The following GLIS3 variants were observed in gnomAD, a reference collection of about 807,000 sequenced individuals.
GLIS3 encodes the protein GLIS family zinc finger 3, also known as zinc finger protein GLIS3.
GLIS3 carries 53 observed loss-of-function variants against 78.6 expected under a neutral mutation model. The ratio of observed to expected loss-of-function variants is 0.67; its 90% CI spans 0.54 to 0.85. The LOEUF is 0.85. Ranked by LOEUF, GLIS3 falls within the 40% of genes least tolerant of loss-of-function variation. GLIS3 has a pLI of 0.00. For missense variants in GLIS3, 1,703 were observed against 1,231.1 expected (o/e 1.38, Z -5.74); for synonymous variants, 684 against 509.9 (o/e 1.34, Z -4.60).
At chr9:4,210,542 A>AT (rs539846767) in intron 2 of GLIS3, among the ~76,000 whole-genome samples, 12 of 150,948 alleles carry the variant, frequency 7.9e-5, no homozygotes, top group Admixed American at 2.0e-4. Flanking sequence ...CTAAGCAGCA[A>AT]TTTTTTTTTT....
chr9:4,328,197 A>T lies in GLIS3; in HGVS notation n.265-17669T>A, dbSNP rs113560502. ...GAATCTGCCCCAAGACCCGAGACTG[A>T]CTAACCCTTTGCAGCTTCAGAGGGC... On this transcript the variant is annotated intron_variant and non_coding_transcript_variant, in intron 2 of 4. Coordinates refer to the GLIS3 transcript ENST00000471664. Among the ~76,000 whole-genome samples, 616 of 152,286 alleles carry T rather than the reference A, an allele frequency of 4.0e-3. 5 individuals are homozygous for T. Among genetic ancestry groups the T allele is most frequent in the African/African-American group, 0.014 (571 of 41,560 alleles).
intron 2 of GLIS3, among the ~76,000 whole-genome samples, chr9:4,129,203 G>C (rs1832783660): frequency 6.6e-6 from 1 of 152,204 alleles, no homozygotes; most frequent in Non-Finnish European, 1.5e-5. Flanking sequence ...GAATTGTGCA[G>C]TGTCTTGGAG....
chr9:4,216,581 C>G (rs1397431482), intron 2 of GLIS3, among the ~76,000 whole-genome samples: 2 of 151,472 alleles, frequency 1.3e-5, no homozygotes, highest in South Asian at 4.2e-4. Flanking sequence ...AGCCAGGGTT[C>G]TGAAGGAAGG....
At chr9:3,985,108 AAC>A (rs1429607904) in intron 4 of GLIS3, among the ~76,000 whole-genome samples, 6 of 151,704 alleles carry the variant, frequency 4.0e-5, no homozygotes, top group African/African-American at 1.2e-4. Flanking sequence ...AAAAAAAAAA[AAC>A]CCATTTTTCC....
chr9:4,164,946 A>C (rs1835765581), intron 2 of GLIS3, among the ~76,000 whole-genome samples: 1 of 152,120 alleles, frequency 6.6e-6, no homozygotes, highest in African/African-American at 2.4e-5. Context: ...GTGAAGAGAG[A>C]TTGATTCTGA....
intron 4 of GLIS3, among the ~76,000 whole-genome samples, chr9:4,009,144 C>T (rs1483143719): frequency 6.6e-6 from 1 of 152,212 alleles, no homozygotes; most frequent in Non-Finnish European, 1.5e-5. Context: ...GTCTTGCTCA[C>T]TTTCTCTCTC....
chr9:4,472,900 T>G, the GLIS3 span, among the ~76,000 whole-genome samples: 5 of 152,166 alleles, frequency 3.3e-5, no homozygotes, highest in Non-Finnish European at 7.4e-5. Context: ...ATCAACTATA[T>G]TTCTAGATAT....
At chr9:4,196,655 C>T (rs980573327) in intron 2 of GLIS3, among the ~76,000 whole-genome samples, 1 of 152,164 alleles carries the variant, frequency 6.6e-6, no homozygotes, top group East Asian at 1.9e-4. Flanking sequence ...ACAAACCAAC[C>T]AAAAGGAAGA....
At chr9:3,909,816 T>G (rs1034279941) in intron 6 of GLIS3, among the ~76,000 whole-genome samples, 1 of 152,228 alleles carries the variant, frequency 6.6e-6, no homozygotes, top group Non-Finnish European at 1.5e-5. Context: ...ACTATCCAGT[T>G]GAAATTTCTG....
At position 4,124,906 on chromosome 9, in the gene GLIS3, A is replaced by C. The variant is rs147263928; in HGVS notation, c.596+828T>G. ...GTGGATTGTGTTTTTCCAAGAAAATAACTTCTAGAAGATAAAATAATTTAT... is the reference window on the plus strand; with the variant it reads ...GTGGATTGTGTTTTTCCAAGAAAATCACTTCTAGAAGATAAAATAATTTAT... On this transcript the variant is annotated intron_variant, in intron 3 of 10. Coordinates refer to ENST00000381971, the MANE Select transcript of GLIS3 (RefSeq NM_001042413.2). Among the ~76,000 whole-genome samples, 651 of 152,328 alleles carry C rather than the reference A, an allele frequency of 4.3e-3. 1 individual carries two copies. The highest frequency in any genetic ancestry group is 7.1e-3 in the Non-Finnish European group (482 of 68,032).
intron 2 of GLIS3, among the ~76,000 whole-genome samples, chr9:4,262,212 G>C (rs1026398293): frequency 6.6e-6 from 1 of 152,146 alleles, no homozygotes. Flanking sequence ...GCTACCTCCT[G>C]GATGGGAGGT....
chr9:4,042,242 T>C (rs1824873979), intron 4 of GLIS3, among the ~76,000 whole-genome samples: 1 of 152,162 alleles, frequency 6.6e-6, no homozygotes, highest in Non-Finnish European at 1.5e-5. Flanking sequence ...GTAATTCCCA[T>C]GGCCAGCCTT....
At chr9:4,420,655 C>G in the GLIS3 span, among the ~76,000 whole-genome samples, 4 of 152,202 alleles carry the variant, frequency 2.6e-5, no homozygotes, top group East Asian at 7.7e-4. Context: ...GTTGAACAGC[C>G]GCTGATCTCT....
At chr9:4,292,282 G>A (rs1409771916) in intron 1 of GLIS3, among the ~76,000 whole-genome samples, 4 of 152,140 alleles carry the variant, frequency 2.6e-5, no homozygotes, top group African/African-American at 4.8e-5. Context: ...AGCTATTGGA[G>A]TGCATCAAAT....
chr9:4,442,976 T>C, the GLIS3 span, among the ~76,000 whole-genome samples: 2,517 of 152,208 alleles, frequency 0.017, 64 homozygotes, highest in African/African-American at 0.057. Context: ...GCAGGCAGCT[T>C]GGTTAAGCTG....
At chr9:4,061,421 C>A (rs1588573380) in intron 4 of GLIS3, among the ~76,000 whole-genome samples, 1 of 152,042 alleles carries the variant, frequency 6.6e-6, no homozygotes, top group South Asian at 2.1e-4. Flanking sequence ...GCATAGTATT[C>A]CATGGTGTAT....
chr9:4,397,178 A>C, the GLIS3 span, among the ~76,000 whole-genome samples: 1 of 140,156 alleles, frequency 7.1e-6, no homozygotes. Context: ...GGTGCCCGCC[A>C]CTACGCCCGG....
chr9:4,483,103 G>C, the GLIS3 span, among the ~76,000 whole-genome samples: 2 of 152,160 alleles, frequency 1.3e-5, no homozygotes, highest in Non-Finnish European at 2.9e-5. Context: ...TTGTGTCCAT[G>C]ACTATTAGAG....
chr9:4,157,800 G>A (rs1291175821), intron 2 of GLIS3, among the ~76,000 whole-genome samples: 1 of 152,134 alleles, frequency 6.6e-6, no homozygotes, highest in Non-Finnish European at 1.5e-5. Context: ...TAAGCACACA[G>A]TCCACATCAC....
Sources: allele counts gnomAD v4.1 joint callset (sites outside exome capture counted in the v4.1 genomes callset), GRCh38; gene constraint gnomAD v4.1.1; transcripts MANE v1.5; gene names NCBI Gene and HGNC (gene_info 2026-07-23, HGNC 2026-07-21).